VPS37A: variants seen among roughly 807,000 people sequenced by gnomAD.
VPS37A encodes VPS37A subunit of ESCRT-I.
In VPS37A, 30 loss-of-function variants were observed where a neutral mutation model predicts 49.8. That is an observed-to-expected ratio of 0.60 (90% CI 0.45 to 0.82). The LOEUF (loss-of-function observed/expected upper bound fraction) is 0.82, where lower values mean the gene tolerates loss of function less well. Among genes scored for constraint, VPS37A ranks in the 40% least tolerant of loss-of-function variants. The pLI is 0.00. For synonymous variants in VPS37A, 195 were observed against 160.6 expected (o/e 1.21, Z -1.62); for missense variants, 593 against 464.4 (o/e 1.28, Z -2.55).
Position 17,297,806 on chromosome 8 carries a change from A to G in VPS37A, c.*2820A>G, listed in dbSNP as rs1357476530. On this transcript the variant is annotated 3_prime_UTR_variant, in exon 12 of 12. Coordinates refer to ENST00000324849, the MANE Select transcript of VPS37A (RefSeq NM_152415.3). Reference sequence around the variant, plus strand: ...AAGTACAGTAAAGTTTTAATAAGCAATAAATGTAACCTTTTATATAAATCT... The same window carrying G: ...AAGTACAGTAAAGTTTTAATAAGCAGTAAATGTAACCTTTTATATAAATCT... 4 of 151,918 alleles carry G rather than the reference A, an allele frequency of 2.6e-5. No homozygotes were observed. Among genetic ancestry groups the G allele is most frequent in the Non-Finnish European group, 5.9e-5 (4 of 67,884 alleles). The allele number at this position is 151,918 out of a possible 1,614,324, so 9.4% of individuals were successfully genotyped here.
chr8:17,268,925 G>T lies in VPS37A; in HGVS notation c.385G>T (p.Val129Phe). The change falls in exon 4 of 12, where the codon GTT becomes TTT. Residue 129 changes from valine to phenylalanine, a missense_variant. Val to Phe is a conservative substitution (Grantham distance 50, BLOSUM62 -1). Transcript: ENST00000324849. ...LLDEFWKNPPVLAPTSTAFPY... is the reference protein window; with the variant it reads ...LLDEFWKNPPFLAPTSTAFPY... ...GGATGAGTTTTGGAAGAATCCTCCA[G>T]TTTTAGCTCCTACTTCAACAGCATT... 6.2e-7 allele frequency: 1 copy of T among 1,609,808 alleles called. No homozygotes were observed.
chr8:17,261,044 C>T (rs1282003131), intron 1 of VPS37A, among the ~76,000 whole-genome samples: 1 of 152,154 alleles, frequency 6.6e-6, no homozygotes, highest in African/African-American at 2.4e-5. Context: ...GTGACTATTT[C>T]TTGGAATAAG....
chr8:17,331,214 C>A, the VPS37A span: 1 of 1,612,750 alleles, frequency 6.2e-7, no homozygotes, highest in South Asian at 1.1e-5. Context: ...TAAACTGAAA[C>A]TTGATATTGG....
At chr8:17,266,795 A>G (rs1230434833) in intron 2 of VPS37A, among the ~76,000 whole-genome samples, 1 of 152,162 alleles carries the variant, frequency 6.6e-6, no homozygotes, top group Admixed American at 6.5e-5. Flanking sequence ...TATTTTTGAG[A>G]CGGAGCCTCC....
At chr8:17,247,418 CG>C in intron 1 of VPS37A, 49 bp downstream of exon 1, 1 of 134,008 alleles carries the variant, frequency 7.5e-6, no homozygotes, top group Non-Finnish European at 1.2e-5. Flanking sequence ...GGTGGGAGGG[CG>C]GGCTTGTCCT....
At chr8:17,302,078 T>G (rs1249441014), downstream of VPS37A, 3 of 1,582,898 alleles carry the variant, frequency 1.9e-6, no homozygotes, top group Non-Finnish European at 2.6e-6. Flanking sequence ...GCACTGAATC[T>G]TAAGAGGCTT....
chr8:17,267,479 G>GTA (rs2150375547), intron 2 of VPS37A, among the ~76,000 whole-genome samples: 1 of 151,962 alleles, frequency 6.6e-6, no homozygotes, highest in African/African-American at 2.4e-5. Flanking sequence ...GTGTGTGTGT[G>GTA]TGTGTGTTGA....
the VPS37A span, among the ~76,000 whole-genome samples, chr8:17,325,564 G>A: frequency 7.9e-5 from 12 of 152,138 alleles, no homozygotes; most frequent in African/African-American, 1.2e-4. Flanking sequence ...CTGACCGTAC[G>A]ATCGCCCACA....
At chr8:17,279,120 T>A (rs2150400050) in intron 6 of VPS37A, among the ~76,000 whole-genome samples, 1 of 152,248 alleles carries the variant, frequency 6.6e-6, no homozygotes. Flanking sequence ...CAGCCACACA[T>A]CTGTAAGCTA....
intron 11 of VPS37A, among the ~76,000 whole-genome samples, chr8:17,290,502 C>G (rs1368349269): frequency 6.6e-6 from 1 of 152,208 alleles, no homozygotes; most frequent in African/African-American, 2.4e-5. Flanking sequence ...GTATGTTGAA[C>G]CAGCCTTGCA....
chr8:17,294,393 T>C (rs1816433992), intron 11 of VPS37A, among the ~76,000 whole-genome samples: 1 of 152,158 alleles, frequency 6.6e-6, no homozygotes, highest in Non-Finnish European at 1.5e-5. Flanking sequence ...CTAGACTCCA[T>C]AGGGGTGGGA....
the VPS37A span, among the ~76,000 whole-genome samples, chr8:17,327,984 T>G: frequency 2.0e-5 from 3 of 152,204 alleles, no homozygotes; most frequent in Non-Finnish European, 1.5e-5. Context: ...TTATGAAGTG[T>G]GGCAAAGAGC....
chr8:17,247,477 G>A lies in VPS37A; in HGVS notation c.125+108G>A, dbSNP rs956423097. 1.0e-5 allele frequency: 15 copies of A among 1,430,722 alleles called. No homozygotes were observed. In the South Asian group the frequency reaches 1.7e-4, roughly 17 times the overall value. 88.6% of individuals were successfully genotyped at this position (1,430,722 alleles called of 1,614,324 possible). On this transcript the variant is annotated intron_variant, in intron 1 of 11. Transcript: ENST00000324849. ...TCTGCTCCCCACCAGCTCCTCATGT[G>A]GTTTACCTCCCTTGGTTGTGGGTCA...
chr8:17,255,524 G>A (rs1812363409), intron 1 of VPS37A, among the ~76,000 whole-genome samples: 1 of 152,014 alleles, frequency 6.6e-6, no homozygotes, highest in African/African-American at 2.4e-5. Flanking sequence ...GTATATATGT[G>A]TGTATATATA....
At chr8:17,315,180 T>C in the VPS37A span, among the ~76,000 whole-genome samples, 4 of 152,144 alleles carry the variant, frequency 2.6e-5, no homozygotes, top group Non-Finnish European at 4.4e-5. Flanking sequence ...AGATGAGCTA[T>C]GAAAAGACAC....
chr8:17,330,101 G>T, the VPS37A span, among the ~76,000 whole-genome samples: 3 of 152,198 alleles, frequency 2.0e-5, no homozygotes, highest in Admixed American at 6.5e-5. Flanking sequence ...AGATGAACCA[G>T]AAAGTCCAGG....
At chr8:17,322,724 G>A in the VPS37A span, among the ~76,000 whole-genome samples, 2 of 151,976 alleles carry the variant, frequency 1.3e-5, no homozygotes, top group South Asian at 4.2e-4. Context: ...ACTCAGGAGG[G>A]TGAGGCAGGA....
the VPS37A span, among the ~76,000 whole-genome samples, chr8:17,315,896 C>G: frequency 6.6e-6 from 1 of 152,186 alleles, no homozygotes; most frequent in South Asian, 2.1e-4. Context: ...GCCTACTGTC[C>G]CAGCTACTTG....
At chr8:17,288,549 C>A (rs550879459) in intron 11 of VPS37A, among the ~76,000 whole-genome samples, 1 of 152,282 alleles carries the variant, frequency 6.6e-6, no homozygotes, top group East Asian at 1.9e-4. Context: ...AGGACATGAA[C>A]TCATTCTTTT....
Sources: allele counts gnomAD v4.1 joint callset (sites outside exome capture counted in the v4.1 genomes callset), GRCh38; gene constraint gnomAD v4.1.1; transcripts MANE v1.5; gene names NCBI Gene and HGNC (gene_info 2026-07-23, HGNC 2026-07-21).